RGS22: variants seen among roughly 807,000 people sequenced by gnomAD.
RGS22 encodes regulator of G-protein signaling 22.
Under a neutral mutation model 172.9 loss-of-function variants are expected in RGS22, and 148 were observed. The ratio of observed to expected loss-of-function variants is 0.86; its 90% confidence interval spans 0.75 to 0.98. The LOEUF (loss-of-function observed/expected upper bound fraction) is 0.98. Among genes scored for constraint, RGS22 ranks in the 50% least tolerant of loss-of-function variants. The pLI is 0.00. For synonymous variants in RGS22, 458 were observed against 480.2 expected (o/e 0.95, Z 0.60); for missense variants, 1,347 against 1,440.8 (o/e 0.93, Z 1.05).
At chr8:99,993,337 G>A (rs1057030980) in intron 20 of RGS22, among the ~76,000 whole-genome samples, 18 of 152,044 alleles carry the variant, frequency 1.2e-4, no homozygotes, top group Non-Finnish European at 2.5e-4. Context: ...GAGCTAGTTT[G>A]TTGAAAAGAT....
chr8:100,092,342 T>A (rs1413056885), intron 3 of RGS22, among the ~76,000 whole-genome samples: 2 of 152,184 alleles, frequency 1.3e-5, no homozygotes, highest in African/African-American at 4.8e-5. Flanking sequence ...CTCATTTCAC[T>A]TTTCCCCAAT....
intron 9 of RGS22, 109 bp from the exon 10 acceptor site, chr8:100,053,085 CCT>C (rs760835156): frequency 9.2e-6 from 9 of 978,680 alleles, no homozygotes; most frequent in Non-Finnish European, 7.6e-6. Context: ...TCTTGCCATA[CCT>C]CTTTTCTAAC....
rs565653186 is a variant in RGS22, at chr8:100,020,204, A to G, written c.2167-11635T>C. ...CGGCCGCAATTTTCTTCTCCTTACC[A>G]TCAGGTAGCACTAAGGTTCTGCCTG... On this transcript the variant is annotated intron_variant, in intron 14 of 27. Transcript: ENST00000360863. 2.6e-5 allele frequency among the ~76,000 whole-genome samples: 4 copies of G among 152,236 alleles called. No individual in the cohort carries two copies. The South Asian group carries it at 6.2e-4, about 24-fold the overall frequency.
intron 15 of RGS22, 62 bp downstream of exon 15, chr8:100,008,313 C>G: frequency 2.7e-6 from 4 of 1,480,664 alleles, no homozygotes; most frequent in Non-Finnish European, 3.7e-6. Flanking sequence ...GCTGGGATAA[C>G]AGGCGTCAGT....
chr8:99,972,335 G>A (rs1811451243), intron 23 of RGS22, among the ~76,000 whole-genome samples: 1 of 152,082 alleles, frequency 6.6e-6, no homozygotes, highest in African/African-American at 2.4e-5. Context: ...CAGGACATAG[G>A]CATGGGCAAA....
At chr8:100,016,488 C>T (rs915663928) in intron 14 of RGS22, among the ~76,000 whole-genome samples, 5 of 151,932 alleles carry the variant, frequency 3.3e-5, no homozygotes, top group Non-Finnish European at 7.4e-5. Context: ...AAGAATAATA[C>T]ACTCTCCTGC....
intron 16 of RGS22, among the ~76,000 whole-genome samples, chr8:100,005,076 A>G (rs1815542877): frequency 6.6e-6 from 1 of 152,022 alleles, no homozygotes; most frequent in South Asian, 2.1e-4. Flanking sequence ...ATAGTATTAT[A>G]AAGTTTAGTT....
intron 23 of RGS22, among the ~76,000 whole-genome samples, chr8:99,968,765 GA>G (rs1811024590): frequency 6.6e-6 from 1 of 152,182 alleles, no homozygotes; most frequent in African/African-American, 2.4e-5. Flanking sequence ...TGGTGTACCT[GA>G]AAGTGATGGG....
In RGS22 at chr8:100,051,451, T is replaced by TA. The variant is rs1343355233; in HGVS notation, c.1689+1350_1689+1351insT. On this transcript the variant is annotated intron_variant, in intron 10 of 27. Coordinates refer to ENST00000360863, the MANE Select transcript of RGS22 (RefSeq NM_015668.5). ...TTATATATTTATATATTTATTTATA[T>TA]TATATTATATATAAATATATATTAT... Among the ~76,000 whole-genome samples, 3 of 70,918 alleles carry TA rather than the reference T, an allele frequency of 4.2e-5. No individual in the cohort carries two copies. In the East Asian group the frequency reaches 8.3e-4, roughly 20 times the overall value. The allele number at this position is 70,918 out of a possible 152,430, so 46.5% of individuals were successfully genotyped here. A position where few individuals can be genotyped will look rare whatever the true frequency, so the allele number is the denominator to read the frequency against.
chr8:100,000,565 A>G (rs772463037), intron 18 of RGS22, among the ~76,000 whole-genome samples: 10 of 152,202 alleles, frequency 6.6e-5, no homozygotes, highest in Admixed American at 6.5e-5. Flanking sequence ...CTCTGTAGTA[A>G]GCACATCTAT....
intron 2 of RGS22, among the ~76,000 whole-genome samples, chr8:100,101,325 T>A (rs1178075619): frequency 3.3e-5 from 5 of 151,544 alleles, no homozygotes; most frequent in African/African-American, 1.2e-4. Context: ...CTCGCTCTGT[T>A]GCCCAGGCTG....
intron 14 of RGS22, among the ~76,000 whole-genome samples, chr8:100,029,584 T>C (rs2131524782): frequency 1.3e-5 from 2 of 151,364 alleles, no homozygotes. Context: ...ACACCTGTAA[T>C]CCCAGCTACT....
Position 100,052,932 on chromosome 8 carries a change from G to C in RGS22, c.1559C>G (p.Ala520Gly). ...CVTHSASTKY[A>G]SAELKFWHLR... ...GTGCCAGAATTTCAGTTCAGCACTA[G>C]CATATTTTGTTGAGGCTGAATGAGT... The change falls in exon 10 of 28, where the codon GCT becomes GGT. Residue 520 changes from alanine (A) to glycine (G), a missense_variant. Transcript: ENST00000360863. The C allele has an allele frequency of 1.2e-6, 2 of 1,613,974 alleles. No individual in the cohort carries two copies. Among genetic ancestry groups the C allele is most frequent in the Non-Finnish European group, 1.7e-6 (2 of 1,179,958 alleles).
rs181935065 is a variant in RGS22, at chr8:100,047,558, G to T, written c.1728C>A (p.Pro576=). 1.7e-4 allele frequency: 274 copies of T among 1,612,680 alleles called. No homozygotes were observed. The highest frequency in any genetic ancestry group is 1.2e-4 in the Non-Finnish European group (137 of 1,179,418). The change falls in exon 11 of 28, where the codon CCC becomes CCA. Residue 576 remains proline, a synonymous_variant. Transcript: ENST00000360863. The part of the protein sequence containing the change: ...EFSLSQPPKS[P]NKSPEVKTAT... ...CTGTTTTTACTTCAGGTGATTTATT[G>T]GGAGATTTAGGAGGTTGTGATAAGC...
chr8:100,075,692 A>T (rs567290605), intron 4 of RGS22, among the ~76,000 whole-genome samples: 1 of 152,228 alleles, frequency 6.6e-6, no homozygotes, highest in East Asian at 1.9e-4. Context: ...GAACATTTGT[A>T]TATAAGTTTT....
intron 2 of RGS22, among the ~76,000 whole-genome samples, chr8:100,094,059 A>G (rs1812784052): frequency 1.3e-5 from 2 of 152,206 alleles, no homozygotes; most frequent in African/African-American, 4.8e-5. Context: ...TTGCACGAGG[A>G]AAGTTTGACA....
At chr8:99,966,205 T>C (rs368654161) in intron 23 of RGS22, among the ~76,000 whole-genome samples, 141 of 152,332 alleles carry the variant, frequency 9.3e-4, no homozygotes, top group African/African-American at 3.2e-3. Flanking sequence ...TTCTCACTTA[T>C]AAGTGGGAGC....
chr8:100,050,050 CA>C (rs35540779), intron 10 of RGS22, among the ~76,000 whole-genome samples: 175 of 131,718 alleles, frequency 1.3e-3, no homozygotes, highest in African/African-American at 2.5e-3. Flanking sequence ...ACTCCATCTC[CA>C]AAAAAAAAAA....
At chr8:100,003,132 T>A in intron 17 of RGS22, 1 of 230,794 alleles carries the variant, frequency 4.3e-6, no homozygotes, top group Non-Finnish European at 9.0e-6. Context: ...AATAACTTAA[T>A]TGTACATTTA....
Sources: allele counts gnomAD v4.1 joint callset (sites outside exome capture counted in the v4.1 genomes callset), GRCh38; gene constraint gnomAD v4.1.1; transcripts MANE v1.5; gene names NCBI Gene and HGNC (gene_info 2026-07-23, HGNC 2026-07-21).